Variants in A2M observed in about 807,000 individuals in gnomAD.
A2M encodes the protein C3 and PZP-like alpha-2-macroglobulin domain-containing protein 5.
Under a neutral mutation model 183.9 loss-of-function variants are expected in A2M, and 128 were observed. That is an observed-to-expected ratio of 0.70 (90% CI 0.60 to 0.81). A2M has a LOEUF of 0.81. A2M is among the 30% of genes least tolerant of loss of function. The pLI is 0.00. For missense variants in A2M, 1,495 were observed against 1,787.6 expected (o/e 0.84, Z 2.95); for synonymous variants, 592 against 670.8 (o/e 0.88, Z 1.81).
Position 9,089,939 on chromosome 12 carries a change from C to G in A2M, c.2681G>C (p.Gly894Ala). 6.2e-7 allele frequency: 1 copy of G among 1,612,508 alleles called. No individual in the cohort carries two copies. ...GTEVPSVPEH[G>A]RKDTVIKPLL... Reference sequence around the variant, plus strand: ...AGGCTTGATGACTGTGTCTTTCCTTCCGTGTTCAGGAACTGAAGGCACCTC... The same window carrying G: ...AGGCTTGATGACTGTGTCTTTCCTTGCGTGTTCAGGAACTGAAGGCACCTC... The change falls in exon 21 of 36, where the codon GGA becomes GCA. Residue 894 changes from glycine to alanine, a missense_variant. Physicochemically the swap from Gly to Ala is moderately conservative, Grantham distance 60. Transcript: ENST00000318602.
In A2M at chr12:9,077,423, G is replaced by A; in HGVS notation, c.3277-3C>T. On this transcript the variant is annotated splice_polypyrimidine_tract_variant and splice_region_variant and intron_variant, in intron 26 of 35. Coordinates refer to ENST00000318602, the MANE Select transcript of A2M (RefSeq NM_000014.6). Reference sequence around the variant, plus strand: ...GTCACTTCATCTTCTACTCCTCCCTGTGAATACGAGAGAGAGATCTGAATA... The same window carrying A: ...GTCACTTCATCTTCTACTCCTCCCTATGAATACGAGAGAGAGATCTGAATA... 1.2e-6 allele frequency: 2 copies of A among 1,611,170 alleles called. No individual in the cohort carries two copies. Among genetic ancestry groups the A allele is most frequent in the Non-Finnish European group, 1.7e-6 (2 of 1,178,090 alleles).
intron 22 of A2M, 136 bp downstream of exon 22, chr12:9,089,064 T>C: frequency 1.4e-6 from 1 of 704,196 alleles, no homozygotes; most frequent in Non-Finnish European, 2.3e-6. Context: ...AAGAACTATT[T>C]TCCACATTTG....
At chr12:9,082,988 C>T (rs770423068) in intron 22 of A2M, among the ~76,000 whole-genome samples, 5 of 152,308 alleles carry the variant, frequency 3.3e-5, no homozygotes, top group South Asian at 2.1e-4. Flanking sequence ...CCTGAGGAAT[C>T]GCCACATTGA....
chr12:9,092,825 C>T (rs142156322), intron 18 of A2M, among the ~76,000 whole-genome samples: 6 of 152,328 alleles, frequency 3.9e-5, no homozygotes, highest in Non-Finnish European at 8.8e-5. Flanking sequence ...GTGTTCATTA[C>T]AGCATTATTC....
At chr12:9,101,323 T>C in intron 12 of A2M, 116 bp from the exon 13 acceptor site, 2 of 1,357,660 alleles carry the variant, frequency 1.5e-6, no homozygotes, top group South Asian at 1.3e-5. Context: ...TCAAGAGAAA[T>C]CAAACTTTCA....
chr12:9,087,901 A>G (rs1192475859), intron 22 of A2M, among the ~76,000 whole-genome samples: 1 of 152,128 alleles, frequency 6.6e-6, no homozygotes, highest in Non-Finnish European at 1.5e-5. Context: ...TATGTTCATT[A>G]AGAGGCTCTT....
chr12:9,088,502 T>C (rs1216424006), intron 22 of A2M, among the ~76,000 whole-genome samples: 1 of 152,136 alleles, frequency 6.6e-6, no homozygotes, highest in Non-Finnish European at 1.5e-5. Context: ...GTACATTTTA[T>C]GTGTTACATC....
rs761626959 is a variant in A2M at position 9,079,831 on chromosome 12, G to A, written c.2855-16C>T. 9 of 1,560,708 alleles carry A rather than the reference G, an allele frequency of 5.8e-6. No individual in the cohort carries two copies. Among genetic ancestry groups the A allele is most frequent in the Non-Finnish European group, 7.8e-6 (9 of 1,154,526 alleles). ...AATATGTCTCCTAGAGAATGGGAGA[G>A]ATGGGAAGTCATAAAGCTTGGAGAT... On this transcript the variant is annotated splice_polypyrimidine_tract_variant and intron_variant, in intron 23 of 35. Transcript: ENST00000318602.
At position 9,093,586 on chromosome 12, in the gene A2M, T is replaced by A. The variant is rs1239538256; in HGVS notation, c.2126-7A>T. The A allele has an allele frequency of 1.4e-6, 2 of 1,404,142 alleles. No individual in the cohort carries two copies. Among genetic ancestry groups the A allele is most frequent in the Non-Finnish European group, 1.9e-6 (2 of 1,036,782 alleles). 87.0% of individuals were successfully genotyped at this position (1,404,142 alleles called of 1,614,324 possible). ...CTTCCCATTACATCTGACTCTATGG[T>A]GAGTGAGGAAGAAGACATTACAATA... On this transcript the variant is annotated splice_polypyrimidine_tract_variant and splice_region_variant and intron_variant, in intron 17 of 35. Coordinates refer to ENST00000318602, the MANE Select transcript of A2M (RefSeq NM_000014.6).
At chr12:9,090,287 C>G in intron 20 of A2M, 69 bp downstream of exon 20, 1 of 1,605,534 alleles carries the variant, frequency 6.2e-7, no homozygotes, top group South Asian at 1.1e-5. Context: ...AAGTAGCACT[C>G]AATATAAGGT....
intron 15 of A2M, 41 bp from the exon 16 acceptor site, chr12:9,095,741 ACTT>A (rs1565593569): frequency 8.9e-5 from 39 of 436,982 alleles, no homozygotes; most frequent in Non-Finnish European, 1.3e-4. Flanking sequence ...CTTATTTGTG[ACTT>A]TTTTTTTTTT....
intron 25 of A2M, 34 bp from the exon 26 acceptor site, chr12:9,077,891 T>C: frequency 2.5e-6 from 4 of 1,613,808 alleles, no homozygotes; most frequent in Non-Finnish European, 3.4e-6. Context: ...GATGTTTATG[T>C]TGTCAAAATG....
chr12:9,075,096 T>C lies in A2M; in HGVS notation c.3533-313A>G, dbSNP rs139149989. Reference sequence around the variant, plus strand: ...TGGCTATTTCCTATTTATGATGTTATATTAGACTATAGCTGGAGTTTGTTA... The same window carrying C: ...TGGCTATTTCCTATTTATGATGTTACATTAGACTATAGCTGGAGTTTGTTA... On this transcript the variant is annotated intron_variant, in intron 28 of 35. Coordinates refer to ENST00000318602, the MANE Select transcript of A2M (RefSeq NM_000014.6). 3.3e-5 allele frequency among the ~76,000 whole-genome samples: 5 copies of C among 152,334 alleles called. No individual in the cohort carries two copies. In the East Asian group the frequency reaches 9.6e-4, roughly 29 times the overall value.
Position 9,099,494 on chromosome 12 carries a change from C to G in A2M, c.1588G>C (p.Val530Leu), listed in dbSNP as rs1234732648. 6.2e-7 allele frequency: 1 copy of G among 1,610,456 alleles called. No homozygotes were observed. Among genetic ancestry groups the G allele is most frequent in the Admixed American group, 1.7e-5 (1 of 59,646 alleles). The change falls in exon 14 of 36, where the codon GTG (valine) becomes CTG (leucine). Residue 530 changes from valine to leucine, a missense_variant. Val to Leu is a conservative substitution (Grantham distance 32). Coordinates refer to ENST00000318602, the MANE Select transcript of A2M (RefSeq NM_000014.6). ...MKGHFSISIP[V>L]KSDIAPVARL... The stretch of plus-strand genomic sequence containing the variant: ...GCGACAGGAGCAATGTCTGACTTCA[C>G]AGGGATTGAGATGGAAAAATGGCCC...
In A2M at chr12:9,077,410, T is replaced by G; in HGVS notation, c.3287A>C (p.Glu1096Ala). The G allele has an allele frequency of 6.2e-7, 1 of 1,613,134 alleles. No individual in the cohort carries two copies. The highest frequency in any genetic ancestry group is 8.5e-7 in the Non-Finnish European group (1 of 1,179,542). The stretch of plus-strand genomic sequence containing the variant: ...ATAGGCGGAGAGGGTCACTTCATCT[T>G]CTACTCCTCCCTGTGAATACGAGAG... ...LLNNAIKGGV[E>A]DEVTLSAYIT... Residue 1096 changes from glutamate (E) to alanine (A), a missense_variant, in exon 27 of 36, where the codon GAA (glutamate) becomes GCA (alanine). Physicochemically the swap from Glu to Ala is moderately radical, Grantham distance 107. Coordinates refer to ENST00000318602, the MANE Select transcript of A2M (RefSeq NM_000014.6).
intron 19 of A2M, 58 bp downstream of exon 19, chr12:9,091,143 G>C: frequency 6.4e-7 from 1 of 1,560,086 alleles, no homozygotes; most frequent in Non-Finnish European, 8.8e-7. Flanking sequence ...TCCTAGGAAT[G>C]CAACTTTTAA....
intron 26 of A2M, 94 bp from the exon 27 acceptor site, chr12:9,077,514 A>G: frequency 1.4e-6 from 2 of 1,467,458 alleles, no homozygotes; most frequent in Non-Finnish European, 1.9e-6. Flanking sequence ...ATTCATCCTT[A>G]CCCATATCCA....
In A2M at chr12:9,105,118, A is replaced by C. The variant is rs368292106; in HGVS notation, c.1105-718T>G. ...TATTGTATTGGCAGTTGAGTAGTCC[A>C]GTTCAGATTGTAAAGGTGGCAATTC... On this transcript the variant is annotated intron_variant, in intron 10 of 35. Transcript: ENST00000318602. Among the ~76,000 whole-genome samples, 39 of 152,334 alleles carry C rather than the reference A, an allele frequency of 2.6e-4. No individual in the cohort carries two copies. In the East Asian group the frequency reaches 6.9e-3, roughly 27 times the overall value.
intron 22 of A2M, among the ~76,000 whole-genome samples, chr12:9,088,065 A>G (rs1040153441): frequency 6.6e-6 from 1 of 152,178 alleles, no homozygotes; most frequent in Non-Finnish European, 1.5e-5. Flanking sequence ...TAACATAGGT[A>G]AATCTCCAAG....
Sources: gnomAD v4.1 joint callset for allele counts (sites outside exome capture counted in the v4.1 genomes callset) on GRCh38, gnomAD v4.1.1 for gene constraint, MANE v1.5 for transcripts, NCBI Gene and HGNC (gene_info 2026-07-23, HGNC 2026-07-21) for gene names.